Variants in ZDHHC20 observed in about 807,000 individuals in gnomAD.
The protein encoded by ZDHHC20 is zDHHC palmitoyltransferase 20.
Under a neutral mutation model 57.8 loss-of-function variants are expected in ZDHHC20, and 43 were observed. The ratio of observed to expected loss-of-function variants is 0.74; its 90% CI spans 0.58 to 0.96. The LOEUF (loss-of-function observed/expected upper bound fraction) is 0.96. Among genes scored for constraint, ZDHHC20 ranks in the 40% least tolerant of loss-of-function variants. The pLI, the probability that ZDHHC20 is intolerant of heterozygous loss-of-function variation, is 0.00. For synonymous variants in ZDHHC20, 157 were observed against 153.0 expected (o/e 1.03, Z -0.19); for missense variants, 391 against 441.1 (o/e 0.89, Z 1.02).
intron 4 of ZDHHC20, among the ~76,000 whole-genome samples, chr13:21,403,717 T>C (rs557054240): frequency 6.6e-6 from 1 of 152,156 alleles, no homozygotes; most frequent in Non-Finnish European, 1.5e-5. Flanking sequence ...GGACGGAGTG[T>C]CGCTCCGTCG....
chr13:21,454,344 AAAAC>A (rs1236999132), intron 1 of ZDHHC20, among the ~76,000 whole-genome samples: 23 of 152,124 alleles, frequency 1.5e-4, no homozygotes, highest in Non-Finnish European at 2.5e-4. Context: ...AACAAAAACA[AAAAC>A]AAACAAACAA....
rs377189914 is a variant in ZDHHC20, at chr13:21,403,259, G to A, written c.371-393C>T. On this transcript the variant is annotated intron_variant, in intron 4 of 12. Coordinates refer to ENST00000400590, the MANE Select transcript of ZDHHC20 (RefSeq NM_001330059.2). ...AAAATTTAGACTTTTAAGGCATCCT[G>A]TGGGATTGTTTTTGAAATTCTGAAA... 2.8e-4 allele frequency among the ~76,000 whole-genome samples: 42 copies of A among 151,090 alleles called. 1 individual carries two copies. In the South Asian group the frequency reaches 8.2e-3, roughly 30 times the overall value.
intron 7 of ZDHHC20, among the ~76,000 whole-genome samples, chr13:21,393,727 A>AAAGGTAC (rs1876242055): frequency 7.0e-6 from 1 of 143,524 alleles, no homozygotes; most frequent in South Asian, 2.3e-4. Flanking sequence ...AAAAAAAAAA[A>AAAGGTAC]AAGGTACAAG....
At chr13:21,410,780 A>G (rs1223754479) in intron 4 of ZDHHC20, among the ~76,000 whole-genome samples, 3 of 152,142 alleles carry the variant, frequency 2.0e-5, no homozygotes, top group African/African-American at 7.2e-5. Context: ...AAGCCAGTGG[A>G]TCTTAGCTTG....
At chr13:21,414,466 T>C (rs1400595915) in intron 3 of ZDHHC20, among the ~76,000 whole-genome samples, 1 of 151,142 alleles carries the variant, frequency 6.6e-6, no homozygotes, top group Non-Finnish European at 1.5e-5. Context: ...GTTCATGCCA[T>C]TCTCCTGCCT....
chr13:21,383,060 A>G (rs1217193459), intron 9 of ZDHHC20, 51 bp from the exon 10 acceptor site: 2 of 1,472,100 alleles, frequency 1.4e-6, no homozygotes, highest in Non-Finnish European at 1.9e-6. Context: ...TTAAATCAAA[A>G]TGGTCAAATT....
At chr13:21,384,134 G>C (rs545389219) in intron 9 of ZDHHC20, among the ~76,000 whole-genome samples, 1 of 151,668 alleles carries the variant, frequency 6.6e-6, no homozygotes, top group African/African-American at 2.4e-5. Flanking sequence ...AGATGACAGA[G>C]GTGGGAGTTT....
chr13:21,399,253 G>A (rs1415275607), intron 7 of ZDHHC20, among the ~76,000 whole-genome samples: 2 of 152,026 alleles, frequency 1.3e-5, no homozygotes, highest in African/African-American at 4.8e-5. Flanking sequence ...GCTGAGGCAG[G>A]AGAATCGCTT....
intron 1 of ZDHHC20, among the ~76,000 whole-genome samples, chr13:21,451,149 C>A (rs1309566338): frequency 6.6e-6 from 1 of 152,126 alleles, no homozygotes; most frequent in Non-Finnish European, 1.5e-5. Flanking sequence ...GTTTTTTAAA[C>A]CATGTCGGCA....
intron 1 of ZDHHC20, among the ~76,000 whole-genome samples, chr13:21,431,914 AAC>A (rs1209743936): frequency 2.6e-5 from 4 of 152,148 alleles, no homozygotes; most frequent in Non-Finnish European, 5.9e-5. Flanking sequence ...TTATATTTTT[AAC>A]AGTGTCTTTT....
chr13:21,459,231 G>T lies in ZDHHC20; in HGVS notation c.-60C>A. The T allele has an allele frequency of 7.2e-7, 1 of 1,379,796 alleles. No homozygotes were observed. Among genetic ancestry groups the T allele is most frequent in the Non-Finnish European group, 9.9e-7 (1 of 1,014,872 alleles). 85.5% of individuals were successfully genotyped at this position (1,379,796 alleles called of 1,614,324 possible). The stretch of plus-strand genomic sequence containing the variant: ...CGTTCTGGGGAGCGCGGGAGCCCCG[G>T]CGACGGTGACTCGGACGCTCCAGGC... On this transcript the variant is annotated 5_prime_UTR_variant, in exon 1 of 13. Transcript: ENST00000400590.
At chr13:21,450,485 T>A (rs1438815164) in intron 1 of ZDHHC20, among the ~76,000 whole-genome samples, 1 of 152,212 alleles carries the variant, frequency 6.6e-6, no homozygotes, top group African/African-American at 2.4e-5. Flanking sequence ...GGTGGGTTTT[T>A]AAATATATAT....
chr13:21,395,486 CTTTTCTTTTCTTT>C (rs1566074504), intron 7 of ZDHHC20, among the ~76,000 whole-genome samples: 1 of 137,302 alleles, frequency 7.3e-6, no homozygotes, highest in African/African-American at 2.6e-5. Context: ...ATATTTTCTT[CTTTTCTTTTCTTT>C]TTTTTTTTTT....
rs552293900 is a variant in ZDHHC20, at chr13:21,388,632, C to T, written c.728-998G>A. ...GGAGAATTATGAAAATCTGGAATAA[C>T]CATCTTGGGTAACAGGTGAGGGACC... On this transcript the variant is annotated intron_variant, in intron 8 of 12. Transcript: ENST00000400590. Among the ~76,000 whole-genome samples, 31 of 152,248 alleles carry T rather than the reference C, an allele frequency of 2.0e-4. No individual in the cohort carries two copies. In the South Asian group the frequency reaches 4.8e-3, roughly 23 times the overall value.
chr13:21,425,526 A>C, intron 2 of ZDHHC20, 126 bp downstream of exon 2: 1 of 667,192 alleles, frequency 1.5e-6, no homozygotes, highest in South Asian at 2.3e-5. Flanking sequence ...TAATTACTTA[A>C]AATGTAAAGA....
At chr13:21,402,042 C>G (rs1190535868) in intron 5 of ZDHHC20, among the ~76,000 whole-genome samples, 1 of 151,998 alleles carries the variant, frequency 6.6e-6, no homozygotes, top group Non-Finnish European at 1.5e-5. Context: ...CGAGACCAGC[C>G]TGGCTGACAT....
chr13:21,427,865 C>T (rs1201208894), intron 1 of ZDHHC20, among the ~76,000 whole-genome samples: 1 of 142,026 alleles, frequency 7.0e-6, no homozygotes, highest in Non-Finnish European at 1.5e-5. Context: ...ACCAAACCAA[C>T]AATGGCTAGA....
chr13:21,378,032 G>C (rs1440266716), intron 12 of ZDHHC20, among the ~76,000 whole-genome samples: 1 of 151,982 alleles, frequency 6.6e-6, no homozygotes, highest in Non-Finnish European at 1.5e-5. Context: ...GTGGACAAAA[G>C]TCACCTTTTT....
At chr13:21,433,692 C>A (rs1306046112) in intron 1 of ZDHHC20, among the ~76,000 whole-genome samples, 1 of 152,120 alleles carries the variant, frequency 6.6e-6, no homozygotes, top group Non-Finnish European at 1.5e-5. Flanking sequence ...CTGGGAGATC[C>A]AGTGCTGGCT....
Sources: allele counts gnomAD v4.1 joint callset (sites outside exome capture counted in the v4.1 genomes callset), GRCh38; gene constraint gnomAD v4.1.1; transcripts MANE v1.5; gene names NCBI Gene and HGNC (gene_info 2026-07-23, HGNC 2026-07-21).